Variants in GRB14 observed in about 807,000 individuals in gnomAD.
GRB14 encodes the protein growth factor receptor bound protein 14, also known as growth factor receptor-bound protein 14.
GRB14 carries 38 observed loss-of-function variants against 69.1 expected under a neutral mutation model. That is an observed-to-expected ratio of 0.55 (90% CI 0.42 to 0.72). The LOEUF is 0.72. Among genes scored for constraint, GRB14 ranks in the 30% least tolerant of loss-of-function variants. The pLI, the probability that GRB14 is intolerant of heterozygous loss-of-function variation, is 0.00. For synonymous variants in GRB14, 247 were observed against 241.3 expected, an observed-to-expected ratio of 1.02 and a Z score of -0.22; for missense variants, 666 against 666.1, an observed-to-expected ratio of 1.00 and a Z score of 0.00.
intron 8 of GRB14, among the ~76,000 whole-genome samples, chr2:164,502,690 T>C (rs555852082): frequency 2.0e-5 from 3 of 151,934 alleles, no homozygotes; most frequent in African/African-American, 7.2e-5. Flanking sequence ...CGATGTGCTT[T>C]CTGGTACAAA....
intron 2 of GRB14, among the ~76,000 whole-genome samples, chr2:164,593,138 T>A (rs951480703): frequency 2.0e-5 from 3 of 152,214 alleles, no homozygotes; most frequent in Non-Finnish European, 2.9e-5. Flanking sequence ...TACAATTATT[T>A]ATATTTACAT....
chr2:164,609,334 T>C (rs1690111286), intron 2 of GRB14, among the ~76,000 whole-genome samples: 1 of 152,154 alleles, frequency 6.6e-6, no homozygotes, highest in Admixed American at 6.5e-5. Flanking sequence ...CCAATCCAGC[T>C]CCAGAGCTCT....
intron 8 of GRB14, among the ~76,000 whole-genome samples, chr2:164,504,814 G>T (rs971706660): frequency 6.6e-6 from 1 of 152,156 alleles, no homozygotes; most frequent in Non-Finnish European, 1.5e-5. Flanking sequence ...TTGTAAGGTG[G>T]GGTGATGGTC....
intron 2 of GRB14, among the ~76,000 whole-genome samples, chr2:164,613,469 A>G (rs189491931): frequency 3.5e-4 from 54 of 152,294 alleles, no homozygotes; most frequent in Non-Finnish European, 7.2e-4. Flanking sequence ...CTCCAGATAC[A>G]GTTCCCAGTC....
intron 2 of GRB14, among the ~76,000 whole-genome samples, chr2:164,575,653 T>C (rs545284035): frequency 6.6e-6 from 1 of 152,146 alleles, no homozygotes; most frequent in Non-Finnish European, 1.5e-5. Flanking sequence ...TAATTTATTT[T>C]ATAATGCTAA....
At chr2:164,521,218 G>A (rs544454207) in intron 6 of GRB14, among the ~76,000 whole-genome samples, 1 of 152,194 alleles carries the variant, frequency 6.6e-6, no homozygotes, top group Admixed American at 6.5e-5. Flanking sequence ...ATTCCCAGCT[G>A]CCTGGATGGA....
At chr2:164,573,935 C>A (rs1689182240) in intron 2 of GRB14, 1 of 1,612,682 alleles carries the variant, frequency 6.2e-7, no homozygotes, top group East Asian at 2.2e-5. Context: ...TGCAGTCTCA[C>A]CCTATCAGCA....
chr2:164,538,822 C>T lies in GRB14; in HGVS notation c.481+8838G>A, dbSNP rs562277710. Among the ~76,000 whole-genome samples, 9 of 152,212 alleles carry T rather than the reference C, an allele frequency of 5.9e-5. No individual in the cohort carries two copies. The South Asian group carries it at 1.9e-3, about 32-fold the overall frequency. On this transcript the variant is annotated intron_variant, in intron 3 of 13. Transcript: ENST00000263915. ...TTTAGCATGATTCTCTCTCGCTCAG[C>T]CAAAATAAATATCTGGCTCTGCTAT... is the stretch of plus-strand genomic sequence containing the variant.
intron 2 of GRB14, among the ~76,000 whole-genome samples, chr2:164,586,858 T>C (rs1689550902): frequency 2.0e-5 from 3 of 152,184 alleles, no homozygotes; most frequent in Non-Finnish European, 4.4e-5. Flanking sequence ...ATGCAATTGA[T>C]GATCAAAGAT....
At chr2:164,569,599 T>C (rs1040606084) in intron 2 of GRB14, among the ~76,000 whole-genome samples, 8 of 152,216 alleles carry the variant, frequency 5.3e-5, no homozygotes, top group African/African-American at 1.7e-4. Context: ...TTTCGTTATC[T>C]TGACTGCTAC....
chr2:164,510,512 T>C (rs1687312729), intron 6 of GRB14, among the ~76,000 whole-genome samples: 1 of 152,096 alleles, frequency 6.6e-6, no homozygotes, highest in Non-Finnish European at 1.5e-5. Context: ...CTAAAACCAA[T>C]CAAGACCTCC....
In GRB14 at chr2:164,502,161, CAT is replaced by C. The variant is rs1301551213; in HGVS notation, c.1104+92_1104+93del. The C allele has an allele frequency of 2.9e-5, 18 of 621,114 alleles. No individual in the cohort carries two copies. In the Admixed American group the frequency reaches 3.4e-4, roughly 12 times the overall value. The allele number at this position is 621,114 out of a possible 1,614,324, so 38.5% of individuals were successfully genotyped here. A position where few individuals can be genotyped will look rare whatever the true frequency, so the allele number is the denominator to read the frequency against. On this transcript the variant is annotated intron_variant, in intron 9 of 13. Transcript: ENST00000263915. Reference sequence around the variant, plus strand: ...GAGTTACTTTACCAACAGAAAATAACATAAATTATTATAAGATACTGTTATGT... The same window carrying C: ...GAGTTACTTTACCAACAGAAAATAACAAATTATTATAAGATACTGTTATGT...
intron 6 of GRB14, among the ~76,000 whole-genome samples, chr2:164,517,086 C>T (rs750200095): frequency 1.3e-5 from 2 of 152,044 alleles, no homozygotes; most frequent in African/African-American, 2.4e-5. Context: ...GGGCAATTTA[C>T]AAAAGAAAAA....
At chr2:164,570,613 C>T (rs1316697111) in intron 2 of GRB14, among the ~76,000 whole-genome samples, 1 of 152,070 alleles carries the variant, frequency 6.6e-6, no homozygotes. Flanking sequence ...ACGGCACTTG[C>T]TTTGAAAAGT....
At chr2:164,593,564 A>G (rs1689716114) in intron 2 of GRB14, among the ~76,000 whole-genome samples, 1 of 152,188 alleles carries the variant, frequency 6.6e-6, no homozygotes, top group African/African-American at 2.4e-5. Context: ...TCCTTCCCCC[A>G]GTTAGGTACA....
intron 6 of GRB14, among the ~76,000 whole-genome samples, chr2:164,509,399 C>T (rs115897164): frequency 0.016 from 2,400 of 152,296 alleles, 34 homozygotes; most frequent in Middle Eastern, 0.044. Flanking sequence ...AAAGTCTGTA[C>T]AGATAGATGA....
rs1041215910 is a variant in GRB14 at position 164,621,436 on chromosome 2, C to G, written c.-127G>C. ...TCTGCAGGTGTGGTGGCCTCGCCGC[C>G]TGCGCTCGGGGCCCCGGCGGCTGAG... On this transcript the variant is annotated 5_prime_UTR_variant, in exon 1 of 14. Transcript: ENST00000263915. This position sits in a 1 kb window ranked among gnomAD's most constrained non-coding sequence, Gnocchi z 6.0. 5.8e-6 allele frequency: 4 copies of G among 686,300 alleles called. No homozygotes were observed. The highest frequency in any genetic ancestry group is 1.9e-5 in the African/African-American group (1 of 52,746). 42.5% of individuals were successfully genotyped at this position (686,300 alleles called of 1,614,324 possible).
At chr2:164,614,157 C>T (rs527346658) in intron 2 of GRB14, among the ~76,000 whole-genome samples, 33 of 152,140 alleles carry the variant, frequency 2.2e-4, no homozygotes, top group Middle Eastern at 3.4e-3. Flanking sequence ...CTTTCAAATT[C>T]TCCCAAAAAA....
At chr2:164,558,139 A>T (rs1239388249) in intron 2 of GRB14, among the ~76,000 whole-genome samples, 1 of 152,096 alleles carries the variant, frequency 6.6e-6, no homozygotes, top group Non-Finnish European at 1.5e-5. Context: ...AAGCCCCTCC[A>T]TTCACCTTTA....
Sources: allele counts gnomAD v4.1 joint callset (sites outside exome capture counted in the v4.1 genomes callset), GRCh38; gene constraint gnomAD v4.1.1; non-coding constraint Gnocchi (gnomAD v3.1); transcripts MANE v1.5; gene names NCBI Gene and HGNC (gene_info 2026-07-23, HGNC 2026-07-21).